Variants in DAB1 observed in about 807,000 individuals in gnomAD.
The protein encoded by DAB1 is disabled homolog 1.
A neutral mutation model predicts 64.6 loss-of-function variants in DAB1; 15 were observed. That is an observed-to-expected ratio of 0.23 (90% CI 0.16 to 0.36). The LOEUF is 0.36. Among genes scored for constraint, DAB1 ranks in the 10% least tolerant of loss-of-function variants. The pLI, the probability that DAB1 is intolerant of heterozygous loss-of-function variation, is 1.00. For synonymous variants in DAB1, 235 were observed against 251.9 expected (o/e 0.93, Z 0.64); for missense variants, 596 against 706.7 (o/e 0.84, Z 1.78).
chr1:57,811,676 C>T (rs958282934), intron 6 of DAB1, among the ~76,000 whole-genome samples: 1 of 152,218 alleles, frequency 6.6e-6, no homozygotes, highest in East Asian at 1.9e-4. Context: ...CACTATTTAG[C>T]CTACTACAAA....
intron 4 of DAB1, among the ~76,000 whole-genome samples, chr1:58,307,418 G>C (rs77970353): frequency 6.6e-6 from 1 of 152,092 alleles, no homozygotes; most frequent in Non-Finnish European, 1.5e-5. Context: ...CCAATAAAAG[G>C]GATAACTGAG....
At chr1:58,068,937 C>T (rs1239859887) in intron 5 of DAB1, among the ~76,000 whole-genome samples, 1 of 152,180 alleles carries the variant, frequency 6.6e-6, no homozygotes, top group Non-Finnish European at 1.5e-5. Context: ...ACACCACAGT[C>T]TCCTTGGGCT....
intron 4 of DAB1, among the ~76,000 whole-genome samples, chr1:58,294,865 CGTGTGTGTGTGT>C (rs55922554): frequency 1.2e-4 from 17 of 137,724 alleles, no homozygotes; most frequent in African/African-American, 1.8e-4. Flanking sequence ...TGGTCCAGAA[CGTGTGTGTGTGT>C]GTGTGTGTGT....
At chr1:57,970,522 C>A (rs560308686) in intron 5 of DAB1, among the ~76,000 whole-genome samples, 1 of 151,942 alleles carries the variant, frequency 6.6e-6, no homozygotes, top group Non-Finnish European at 1.5e-5. Context: ...ATATCTACGG[C>A]GCTTGAGGAA....
At chr1:57,380,724 A>C (rs573820666) in intron 1 of DAB1, among the ~76,000 whole-genome samples, 1 of 152,316 alleles carries the variant, frequency 6.6e-6, no homozygotes, top group East Asian at 1.9e-4. Context: ...AGTAACTAAG[A>C]CGTGGGTTTG....
At chr1:57,362,694 C>A (rs144944257) in intron 1 of DAB1, among the ~76,000 whole-genome samples, 2,515 of 152,196 alleles carry the variant, frequency 0.017, 41 homozygotes, top group Non-Finnish European at 0.025. Context: ...CAGGCCTTCA[C>A]CAGACACCTA....
intron 6 of DAB1, among the ~76,000 whole-genome samples, chr1:57,760,390 AT>A (rs1298799780): frequency 2.0e-5 from 3 of 150,674 alleles, no homozygotes; most frequent in African/African-American, 4.8e-5. Context: ...AATATAAAGC[AT>A]TTTTTTTACT....
At chr1:58,432,906 G>A (rs1470010448) in intron 3 of DAB1, among the ~76,000 whole-genome samples, 2 of 152,166 alleles carry the variant, frequency 1.3e-5, no homozygotes, top group Admixed American at 1.3e-4. Flanking sequence ...CCCCCTTCAC[G>A]TGACGACATC....
intron 6 of DAB1, among the ~76,000 whole-genome samples, chr1:57,693,257 G>C (rs1646785298): frequency 6.6e-6 from 1 of 151,248 alleles, no homozygotes; most frequent in Non-Finnish European, 1.5e-5. Flanking sequence ...CCCAACAGCA[G>C]CTGGGGTGTC....
chr1:57,039,928 T>C (rs1236832074), intron 9 of DAB1, among the ~76,000 whole-genome samples: 1 of 152,198 alleles, frequency 6.6e-6, no homozygotes, highest in Non-Finnish European at 1.5e-5. Context: ...AGGTCTGTCA[T>C]AAGACTGTGA....
intron 2 of DAB1, among the ~76,000 whole-genome samples, chr1:58,518,802 G>T (rs187774871): frequency 1.3e-5 from 2 of 152,048 alleles, no homozygotes; most frequent in African/African-American, 4.8e-5. Flanking sequence ...TAAAGAAGAG[G>T]AGATAGCAGA....
intron 6 of DAB1, among the ~76,000 whole-genome samples, chr1:57,696,467 G>C (rs1646917086): frequency 6.6e-6 from 1 of 152,160 alleles, no homozygotes; most frequent in African/African-American, 2.4e-5. Flanking sequence ...CAGGAAAGAG[G>C]TTTGGGACGA....
In DAB1 at chr1:57,566,830, C is replaced by T. The variant is rs555723287; in HGVS notation, n.625+82762G>A. Among the ~76,000 whole-genome samples the T allele has an allele frequency of 3.2e-4, 48 of 152,260 alleles. No homozygotes were observed. The East Asian group carries it at 5.0e-3, about 16-fold the overall frequency. ...GTCCAGGACCAGACGAATTCACAGCCGAATTCTACCAGAGGTACAAGAAGG... is the reference window on the plus strand; with the variant it reads ...GTCCAGGACCAGACGAATTCACAGCTGAATTCTACCAGAGGTACAAGAAGG... On this transcript the variant is annotated intron_variant and non_coding_transcript_variant, in intron 7 of 20. Transcript: ENST00000485760.
At chr1:58,059,246 G>C (rs1224027141) in intron 5 of DAB1, among the ~76,000 whole-genome samples, 1 of 152,198 alleles carries the variant, frequency 6.6e-6, no homozygotes, top group African/African-American at 2.4e-5. Context: ...CTCTCAGCCA[G>C]GCAGCCTGAG....
intron 6 of DAB1, among the ~76,000 whole-genome samples, chr1:57,655,513 T>C (rs746061754): frequency 1.6e-4 from 24 of 152,204 alleles, no homozygotes; most frequent in Admixed American, 1.0e-3. Flanking sequence ...TTGTTGACAG[T>C]CTAACTGTAC....
chr1:57,340,729 A>G (rs1677505563), intron 1 of DAB1, among the ~76,000 whole-genome samples: 1 of 152,182 alleles, frequency 6.6e-6, no homozygotes, highest in Admixed American at 6.5e-5. Flanking sequence ...ATTGCTCACC[A>G]CCAACCAGCC....
intron 3 of DAB1, among the ~76,000 whole-genome samples, chr1:58,398,150 T>C (rs552053622): frequency 6.6e-6 from 1 of 152,190 alleles, no homozygotes; most frequent in Non-Finnish European, 1.5e-5. Context: ...CATAAAAGCA[T>C]GCAGTGAGTC....
At chr1:57,820,795 A>C (rs902389531) in intron 6 of DAB1, among the ~76,000 whole-genome samples, 1 of 152,214 alleles carries the variant, frequency 6.6e-6, no homozygotes, top group African/African-American at 2.4e-5. Flanking sequence ...ATCCTGGTTT[A>C]GTCCCCTTTC....
chr1:58,019,232 T>G (rs1646783464), intron 5 of DAB1, among the ~76,000 whole-genome samples: 1 of 152,220 alleles, frequency 6.6e-6, no homozygotes, highest in Admixed American at 6.5e-5. Flanking sequence ...TTTTATTTAT[T>G]TTTAAATTAT....
Sources: gnomAD v4.1 joint callset for allele counts (sites outside exome capture counted in the v4.1 genomes callset) on GRCh38, gnomAD v4.1.1 for gene constraint, MANE v1.5 for transcripts, NCBI Gene and HGNC (gene_info 2026-07-23, HGNC 2026-07-21) for gene names.